Variants in ADGRL3 observed in about 807,000 individuals in gnomAD.
ADGRL3 encodes calcium-independent alpha-latrotoxin receptor 3.
Under a neutral mutation model 153.5 loss-of-function variants are expected in ADGRL3, and 62 were observed. That is an observed-to-expected ratio of 0.40 (90% CI 0.33 to 0.50). ADGRL3 has a LOEUF of 0.50. Among genes scored for constraint, ADGRL3 ranks in the 20% least tolerant of loss-of-function variants. ADGRL3 has a pLI of 0.47. For missense variants in ADGRL3, 1,641 were observed against 1,859.4 expected (o/e 0.88, Z 2.16); for synonymous variants, 710 against 672.5 (o/e 1.06, Z -0.86).
At chr4:61,511,241 A>T (rs2098462231) in intron 3 of ADGRL3, among the ~76,000 whole-genome samples, 1 of 152,078 alleles carries the variant, frequency 6.6e-6, no homozygotes, top group Admixed American at 6.6e-5. Context: ...GTGCCACCTC[A>T]TCACCTTATC....
intron 1 of ADGRL3, among the ~76,000 whole-genome samples, chr4:61,205,898 C>T (rs537922185): frequency 1.3e-5 from 2 of 152,306 alleles, no homozygotes; most frequent in South Asian, 2.1e-4. Flanking sequence ...AATGTCATTA[C>T]TCTGATCTGA....
intron 8 of ADGRL3, among the ~76,000 whole-genome samples, chr4:61,793,622 T>G (rs2097371286): frequency 6.6e-6 from 1 of 152,126 alleles, no homozygotes; most frequent in Admixed American, 6.5e-5. Context: ...ACATTACTTG[T>G]CTTTTGCAAC....
chr4:61,490,723 G>C (rs2098249180), intron 2 of ADGRL3, among the ~76,000 whole-genome samples: 1 of 150,784 alleles, frequency 6.6e-6, no homozygotes, highest in South Asian at 2.1e-4. Context: ...AAAGATCCTT[G>C]AGTCTTACTG....
At chr4:61,624,102 A>G (rs1250589532) in intron 5 of ADGRL3, among the ~76,000 whole-genome samples, 2 of 152,182 alleles carry the variant, frequency 1.3e-5, no homozygotes, top group African/African-American at 4.8e-5. Flanking sequence ...GCTTAAGCCT[A>G]TAGATAGTAA....
intron 22 of ADGRL3, among the ~76,000 whole-genome samples, chr4:62,030,683 C>G (rs1056106080): frequency 6.6e-6 from 1 of 151,474 alleles, no homozygotes; most frequent in African/African-American, 2.4e-5. Context: ...TTCATCTTCT[C>G]CCTTGAGTTT....
chr4:61,283,582 C>T (rs2093810047), intron 1 of ADGRL3, among the ~76,000 whole-genome samples: 1 of 151,998 alleles, frequency 6.6e-6, no homozygotes, highest in Non-Finnish European at 1.5e-5. Context: ...CACCACTCTC[C>T]TCATTTGCAA....
chr4:61,739,307 C>CT (rs33939282), intron 8 of ADGRL3, among the ~76,000 whole-genome samples: 21,532 of 146,446 alleles, frequency 0.15, 1,641 homozygotes, highest in Admixed American at 0.25. Flanking sequence ...CTACAAATTA[C>CT]TTTTTTTTTT....
chr4:61,832,219 G>C (rs2097879904), intron 9 of ADGRL3, among the ~76,000 whole-genome samples: 1 of 152,174 alleles, frequency 6.6e-6, no homozygotes, highest in South Asian at 2.1e-4. Context: ...TCAGAGGCGA[G>C]AGATGTGTGG....
At chr4:61,803,787 C>T (rs903976634) in intron 8 of ADGRL3, among the ~76,000 whole-genome samples, 1 of 152,070 alleles carries the variant, frequency 6.6e-6, no homozygotes, top group Non-Finnish European at 1.5e-5. Context: ...ATCAATCAAA[C>T]TCTATACTGT....
intron 8 of ADGRL3, among the ~76,000 whole-genome samples, chr4:61,742,445 A>AT (rs1305323355): frequency 5.9e-5 from 9 of 151,430 alleles, no homozygotes; most frequent in Non-Finnish European, 8.8e-5. Flanking sequence ...CGCCCGGCTA[A>AT]TTTTTTTTGT....
chr4:61,985,227 C>A (rs1010053734), intron 19 of ADGRL3, among the ~76,000 whole-genome samples: 1 of 151,378 alleles, frequency 6.6e-6, no homozygotes, highest in African/African-American at 2.4e-5. Context: ...TTGAGATAAA[C>A]CAAGTCAGGT....
chr4:61,635,737 G>A (rs1161606328), intron 5 of ADGRL3, among the ~76,000 whole-genome samples: 1 of 151,976 alleles, frequency 6.6e-6, no homozygotes, highest in East Asian at 2.0e-4. Flanking sequence ...TTATGATTTT[G>A]GAGGCTGGAA....
At chr4:61,503,531 G>A (rs1347631925) in intron 3 of ADGRL3, among the ~76,000 whole-genome samples, 3 of 151,724 alleles carry the variant, frequency 2.0e-5, no homozygotes, top group African/African-American at 7.3e-5. Context: ...GTGTAATTGG[G>A]TTATTTATAA....
intron 4 of ADGRL3, among the ~76,000 whole-genome samples, chr4:61,573,708 A>G (rs1191951873): frequency 6.6e-6 from 1 of 152,004 alleles, no homozygotes; most frequent in Non-Finnish European, 1.5e-5. Flanking sequence ...CCATTCAATC[A>G]AAACTGATAA....
At chr4:61,726,808 C>CT (rs1186371868) in intron 6 of ADGRL3, among the ~76,000 whole-genome samples, 11 of 151,788 alleles carry the variant, frequency 7.2e-5, no homozygotes, top group South Asian at 2.1e-4. Context: ...CTATAAGTGT[C>CT]TTTTTTCTTA....
chr4:61,407,342 T>C (rs1476408446), intron 2 of ADGRL3, among the ~76,000 whole-genome samples: 1 of 152,168 alleles, frequency 6.6e-6, no homozygotes, highest in African/African-American at 2.4e-5. Flanking sequence ...ATATTAGTTT[T>C]CTTTTTTCTC....
intron 13 of ADGRL3, among the ~76,000 whole-genome samples, chr4:61,915,065 T>G (rs978655977): frequency 2.0e-5 from 3 of 152,144 alleles, no homozygotes; most frequent in East Asian, 3.9e-4. Flanking sequence ...AAAGGCATTT[T>G]GTGAAAATAT....
At chr4:61,487,792 A>G (rs1484572803) in intron 2 of ADGRL3, among the ~76,000 whole-genome samples, 1 of 152,064 alleles carries the variant, frequency 6.6e-6, no homozygotes, top group Non-Finnish European at 1.5e-5. Flanking sequence ...TAAAGAGCAA[A>G]GGTTCTATCT....
intron 1 of ADGRL3, among the ~76,000 whole-genome samples, chr4:61,246,529 A>G (rs1166069676): frequency 3.3e-5 from 5 of 152,030 alleles, no homozygotes; most frequent in Non-Finnish European, 5.9e-5. Context: ...TTAAATTTAG[A>G]TGTGTTATTT....
Sources: gnomAD v4.1 joint callset for allele counts (sites outside exome capture counted in the v4.1 genomes callset) on GRCh38, gnomAD v4.1.1 for gene constraint, MANE v1.5 for transcripts, NCBI Gene and HGNC (gene_info 2026-07-23, HGNC 2026-07-21) for gene names.